HADHA: variants seen among roughly 807,000 people sequenced by gnomAD.
HADHA encodes hydroxyacyl-CoA dehydrogenase trifunctional multienzyme complex subunit alpha.
HADHA carries 59 observed loss-of-function variants against 91.3 expected under a neutral mutation model. The ratio of observed to expected loss-of-function variants is 0.65; its 90% CI spans 0.52 to 0.80. The LOEUF (loss-of-function observed/expected upper bound fraction) is 0.80. Ranked by LOEUF, HADHA falls within the 30% of genes least tolerant of loss-of-function variation. HADHA has a pLI of 0.00. For missense variants in HADHA, 800 were observed against 927.6 expected (o/e 0.86, Z 1.79); for synonymous variants, 320 against 338.9 (o/e 0.94, Z 0.61).
At chr2:26,207,055 G>C (rs947146122) in intron 11 of HADHA, among the ~76,000 whole-genome samples, 39 of 152,052 alleles carry the variant, frequency 2.6e-4, no homozygotes, top group African/African-American at 8.9e-4. Flanking sequence ...AAAATGAGCC[G>C]GGTGTGGTGG....
intron 11 of HADHA, among the ~76,000 whole-genome samples, chr2:26,207,463 C>G (rs150332304): frequency 1.3e-5 from 2 of 152,102 alleles, no homozygotes; most frequent in African/African-American, 4.8e-5. Flanking sequence ...CATTTCTTAA[C>G]TGTTATGCTC....
chr2:26,192,827 TG>T (rs1183820450), intron 17 of HADHA, among the ~76,000 whole-genome samples: 1 of 152,250 alleles, frequency 6.6e-6, no homozygotes, highest in Non-Finnish European at 1.5e-5. Flanking sequence ...TCTGAATTCC[TG>T]AATTTGTATG....
At chr2:26,193,429 C>T in intron 17 of HADHA, 148 bp downstream of exon 17, 2 of 776,534 alleles carry the variant, frequency 2.6e-6, no homozygotes, top group Admixed American at 1.9e-5. Flanking sequence ...GCACCTGACT[C>T]ATAAAATCAT....
chr2:26,208,900 C>T (rs1670028302), intron 11 of HADHA, among the ~76,000 whole-genome samples: 1 of 152,172 alleles, frequency 6.6e-6, no homozygotes, highest in Non-Finnish European at 1.5e-5. Context: ...TTACCTGTTT[C>T]ACCCGGACTT....
intron 9 of HADHA, among the ~76,000 whole-genome samples, chr2:26,213,774 T>C (rs1670156632): frequency 6.6e-6 from 1 of 152,208 alleles, no homozygotes; most frequent in Non-Finnish European, 1.5e-5. Context: ...CAGTCCAGCC[T>C]GTGAGACGAA....
chr2:26,226,726 A>T (rs1367006428), intron 7 of HADHA, among the ~76,000 whole-genome samples: 1 of 152,236 alleles, frequency 6.6e-6, no homozygotes, highest in Non-Finnish European at 1.5e-5. Flanking sequence ...TTCTAGAAGA[A>T]AGTATACAGG....
At chr2:26,192,737 A>C (rs1264944725) in intron 17 of HADHA, among the ~76,000 whole-genome samples, 1 of 152,176 alleles carries the variant, frequency 6.6e-6, no homozygotes, top group Non-Finnish European at 1.5e-5. Context: ...TCTGTCTCAA[A>C]AAAAAACAAA....
chr2:26,231,288 T>C (rs1242939014), intron 6 of HADHA, among the ~76,000 whole-genome samples: 2 of 152,176 alleles, frequency 1.3e-5, no homozygotes, highest in Non-Finnish European at 2.9e-5. Context: ...CTGCAAAGAG[T>C]ATTTCTGTTG....
At chr2:26,205,687 C>T (rs1669954735) in intron 11 of HADHA, among the ~76,000 whole-genome samples, 1 of 152,178 alleles carries the variant, frequency 6.6e-6, no homozygotes, top group Non-Finnish European at 1.5e-5. Flanking sequence ...ACCTGTAATC[C>T]CAGCTACTCA....
In HADHA at chr2:26,201,185, A is replaced by G; in HGVS notation, c.1356T>C (p.Leu452=). ...DMVIEAVFED[L]SLKHRVLKEV... is the part of the protein sequence containing the mutation. Reference sequence around the variant, plus strand: ...CCTTTAGCACTCTGTGCTTAAGACTAAGGTCCTCAAACACAGCTTCAATCA... The same window carrying G: ...CCTTTAGCACTCTGTGCTTAAGACTGAGGTCCTCAAACACAGCTTCAATCA... The change falls in exon 13 of 20, where the codon CTT becomes CTC. Residue 452 remains leucine, a synonymous_variant. Coordinates refer to ENST00000380649, the MANE Select transcript of HADHA (RefSeq NM_000182.5). 6.2e-7 allele frequency: 1 copy of G among 1,613,852 alleles called. No homozygotes were observed. Among genetic ancestry groups the G allele is most frequent in the African/African-American group, 1.3e-5 (1 of 75,054 alleles).
intron 13 of HADHA, among the ~76,000 whole-genome samples, chr2:26,198,984 G>A (rs956345838): frequency 2.6e-5 from 4 of 151,354 alleles, no homozygotes; most frequent in African/African-American, 9.7e-5. Flanking sequence ...AAGCTTTGCC[G>A]CCTGGGTTCA....
At position 26,239,127 on chromosome 2, in the gene HADHA, A is replaced by T. The variant is rs1670831237; in HGVS notation, c.84T>A (p.Asn28Lys). The T allele has an allele frequency of 6.2e-7, 1 of 1,606,566 alleles. No homozygotes were observed. The highest frequency in any genetic ancestry group is 1.3e-5 in the African/African-American group (1 of 74,764). ...TCAGCAAAGCAGAAGACCCTGTAAA[A>T]TTGCGGCATATATAACCTGTAAGAA... ...ILRSRGYICR[N>K]FTGSSALLTR... Residue 28 changes from asparagine to lysine, a missense_variant, in exon 2 of 20, where the codon AAT becomes AAA. Transcript: ENST00000380649.
chr2:26,234,494 T>A, intron 4 of HADHA, 139 bp from the exon 5 acceptor site: 1 of 800,396 alleles, frequency 1.2e-6, no homozygotes, highest in Non-Finnish European at 2.1e-6. Flanking sequence ...TTAAGAATGA[T>A]TTTGCTTCAA....
At chr2:26,227,124 G>A (rs777524785) in intron 7 of HADHA, among the ~76,000 whole-genome samples, 1 of 152,086 alleles carries the variant, frequency 6.6e-6, no homozygotes, top group African/African-American at 2.4e-5. Flanking sequence ...AAGAAAATGG[G>A]CAAAAAATTT....
rs772974748 is a variant in HADHA, at chr2:26,194,617, T to C, written c.1642A>G (p.Thr548Ala). 1 of 1,610,696 alleles carries C rather than the reference T, an allele frequency of 6.2e-7. No homozygotes were observed. Among genetic ancestry groups the C allele is most frequent in the Non-Finnish European group, 8.5e-7 (1 of 1,177,122 alleles). Residue 548 changes from threonine to alanine, a missense_variant, in exon 16 of 20, where the codon ACC (threonine) becomes GCC (alanine). Thr to Ala is a moderately conservative substitution (Grantham distance 58). Transcript: ENST00000380649. The stretch of plus-strand genomic sequence containing the variant: ...GACATCATGGGCGCAAGACACCTGG[T>C]AGTATAGAAGCCAGGTCCATCCTGC... ...VVKDGPGFYT[T>A]RCLAPMMSEV...
chr2:26,216,469 T>C (rs1670223598), intron 7 of HADHA, among the ~76,000 whole-genome samples: 1 of 151,906 alleles, frequency 6.6e-6, no homozygotes, highest in South Asian at 2.1e-4. Context: ...TACAGGTGCA[T>C]GCCACTGTGC....
intron 1 of HADHA, 111 bp downstream of exon 1, chr2:26,244,419 C>T: frequency 9.3e-7 from 1 of 1,076,870 alleles, no homozygotes; most frequent in Non-Finnish European, 1.4e-6. Context: ...CAGAGGGCTG[C>T]GTCTCCGGGC....
At chr2:26,226,096 A>C (rs1361474407) in intron 7 of HADHA, among the ~76,000 whole-genome samples, 1 of 152,218 alleles carries the variant, frequency 6.6e-6, no homozygotes, top group Non-Finnish European at 1.5e-5. Context: ...ACAAGTATGA[A>C]ATACCTAGGC....
chr2:26,212,574 G>C lies in HADHA; in HGVS notation c.971C>G (p.Ser324Cys). 6.4e-7 allele frequency: 1 copy of C among 1,565,358 alleles called. No individual in the cohort carries two copies. The highest frequency in any genetic ancestry group is 1.1e-5 in the South Asian group (1 of 90,076). ...QGSDAGYLCESQKFGELVMTK... is the reference protein window; with the variant it reads ...QGSDAGYLCECQKFGELVMTK... ...ATTGAAAGGAAATAAGTTTACCTGA[G>C]ATTCACAGAGATAACCGGCATCACT... Residue 324 changes from serine to cysteine, a missense_variant, in exon 10 of 20, where the codon TCT (serine) becomes TGT (cysteine). Ser to Cys is a moderately radical substitution (Grantham distance 112, BLOSUM62 -1). Transcript: ENST00000380649.
Sources: gnomAD v4.1 joint callset for allele counts (sites outside exome capture counted in the v4.1 genomes callset) on GRCh38, gnomAD v4.1.1 for gene constraint, MANE v1.5 for transcripts, NCBI Gene and HGNC (gene_info 2026-07-23, HGNC 2026-07-21) for gene names.